Variants in PNPLA5 observed in about 807,000 individuals in gnomAD.
The protein encoded by PNPLA5 is patatin like domain 5, triacylglycerol lipase.
Under a neutral mutation model 49.1 loss-of-function variants are expected in PNPLA5, and 44 were observed. That is an observed-to-expected ratio of 0.90 (90% confidence interval 0.70 to 1.15). PNPLA5 has a LOEUF of 1.15. Among genes scored for constraint, PNPLA5 ranks in the 50% most tolerant of loss-of-function variants. The probability of loss-of-function intolerance (pLI) is 0.00; values close to 1 mark genes in which losing one functional copy is unlikely to be tolerated. For missense variants in PNPLA5, 603 were observed against 564.0 expected (o/e 1.07, Z -0.70); for synonymous variants, 243 against 244.4 (o/e 0.99, Z 0.06).
At chr22:43,887,458 G>A in intron 5 of PNPLA5, 133 bp downstream of exon 5, 1 of 1,095,596 alleles carries the variant, frequency 9.1e-7, no homozygotes, top group Non-Finnish European at 1.3e-6. Flanking sequence ...CTCAGCTCAG[G>A]TCCAGCACAG....
Position 43,891,143 on chromosome 22 carries a change from C to A in PNPLA5, c.345G>T (p.Arg115=), listed in dbSNP as rs530249099. ...PPDAHVLASQ[R]LGISLTRWPD... ...GCCAGCGGGTCAGCGAAATGCCCAG[C>A]CGCTGGGAGGCCAGGACGTGGGCGT... is the stretch of plus-strand genomic sequence containing the variant. Residue 115 remains arginine (R), a synonymous_variant, in exon 2 of 9, where the codon CGG becomes CGT. Coordinates refer to ENST00000216177, the MANE Select transcript of PNPLA5 (RefSeq NM_138814.4). The A allele has an allele frequency of 6.2e-7, 1 of 1,605,284 alleles. No homozygotes were observed. The highest frequency in any genetic ancestry group is 1.1e-5 in the South Asian group (1 of 90,480).
chr22:43,891,808 C>T lies in PNPLA5; in HGVS notation c.73G>A (p.Val25Met), dbSNP rs777407658. 42 of 1,521,634 alleles carry T rather than the reference C, an allele frequency of 2.8e-5. No individual in the cohort carries two copies. Among genetic ancestry groups the T allele is most frequent in the Non-Finnish European group, 3.2e-5 (36 of 1,139,266 alleles). The allele number at this position is 1,521,634 out of a possible 1,614,324, so 94.3% of individuals were successfully genotyped here. ...SGAGYLGAHH[V>M]GATECLRQRA... The stretch of plus-strand genomic sequence containing the variant: ...TGGCGCAGGCATTCGGTGGCGCCCA[C>T]GTGGTGGGCGCCCAGGTAGCCGGCG... The change falls in exon 1 of 9, where the codon GTG becomes ATG. Residue 25 changes from valine (V) to methionine (M), a missense_variant. Physicochemically the swap from Val to Met is conservative, Grantham distance 21. Coordinates refer to ENST00000216177, the MANE Select transcript of PNPLA5 (RefSeq NM_138814.4).
chr22:43,885,581 G>A (rs926614304), intron 6 of PNPLA5, among the ~76,000 whole-genome samples: 5 of 151,978 alleles, frequency 3.3e-5, no homozygotes, highest in Admixed American at 6.6e-5. Flanking sequence ...CCCTCTCCCC[G>A]ATGCTCTTCT....
At chr22:43,887,289 T>A (rs2049675248) in intron 5 of PNPLA5, among the ~76,000 whole-genome samples, 2 of 152,176 alleles carry the variant, frequency 1.3e-5, no homozygotes, top group Non-Finnish European at 2.9e-5. Context: ...ACCCCCAGGC[T>A]GAGTCCAATG....
In PNPLA5 at chr22:43,880,280, C is replaced by A; in HGVS notation, c.*515G>T. The stretch of plus-strand genomic sequence containing the variant: ...CTGCCAGGGCCTTCCACCCTCTGGA[C>A]CTGATAGGAATTCAGAAGTCAAGGT... On this transcript the variant is annotated 3_prime_UTR_variant, in exon 9 of 9. Coordinates refer to ENST00000216177, the MANE Select transcript of PNPLA5 (RefSeq NM_138814.4). The A allele has an allele frequency of 2.5e-6, 1 of 397,782 alleles. No homozygotes were observed. Among genetic ancestry groups the A allele is most frequent in the Non-Finnish European group, 4.4e-6 (1 of 226,108 alleles). 24.6% of individuals were successfully genotyped at this position (397,782 alleles called of 1,614,324 possible).
rs751644721 is a variant in PNPLA5, at chr22:43,881,650, C to T, written c.1107G>A (p.Val369=). ...CCTGCATCCACCACAAGTCCGCCGGCACATCGGGCAGCCACACCACCAACC... is the reference window on the plus strand; with the variant it reads ...CCTGCATCCACCACAAGTCCGCCGGTACATCGGGCAGCCACACCACCAACC... ...SRRLVVWLPD[V]PADLWWMQGL... The change falls in exon 8 of 9, where the codon GTG becomes GTA. Residue 369 remains valine (V), a synonymous_variant. Coordinates refer to ENST00000216177, the MANE Select transcript of PNPLA5 (RefSeq NM_138814.4). 6 of 1,613,640 alleles carry T rather than the reference C, an allele frequency of 3.7e-6. No individual in the cohort carries two copies. In the African/African-American group the frequency reaches 4.0e-5, roughly 11 times the overall value.
Position 43,889,691 on chromosome 22 carries a change from C to T in PNPLA5, c.492+108G>A, listed in dbSNP as rs2049702811. The T allele has an allele frequency of 1.1e-5, 16 of 1,517,248 alleles. No homozygotes were observed. In the East Asian group the frequency reaches 3.7e-4, roughly 35 times the overall value. 94.0% of individuals were successfully genotyped at this position (1,517,248 alleles called of 1,614,324 possible). A position where few individuals can be genotyped will look rare whatever the true frequency, so the allele number is the denominator to read the frequency against. Reference sequence around the variant, plus strand: ...CCCCAGGAGCAGGGGGAGGGCCTGGCACACAGTAGGTGCTCAAGGAGCGCT... The same window carrying T: ...CCCCAGGAGCAGGGGGAGGGCCTGGTACACAGTAGGTGCTCAAGGAGCGCT... On this transcript the variant is annotated intron_variant, in intron 3 of 8. Transcript: ENST00000216177.
intron 7 of PNPLA5, among the ~76,000 whole-genome samples, chr22:43,883,371 C>T (rs1000118705): frequency 6.6e-6 from 1 of 152,244 alleles, no homozygotes; most frequent in African/African-American, 2.4e-5. Context: ...TTCCATGGCC[C>T]CCAGCCAGGC....
chr22:43,880,615 G>T lies in PNPLA5; in HGVS notation c.*180C>A, dbSNP rs2049598458. ...GGCAAGAGGGAGGGCAGGTGACCTG[G>T]GTACACAGTGACCGGGGACATGCTG... is the stretch of plus-strand genomic sequence containing the variant. On this transcript the variant is annotated 3_prime_UTR_variant, in exon 9 of 9. Coordinates refer to ENST00000216177, the MANE Select transcript of PNPLA5 (RefSeq NM_138814.4). 2 of 499,270 alleles carry T rather than the reference G, an allele frequency of 4.0e-6. No homozygotes were observed. The highest frequency in any genetic ancestry group is 7.0e-5 in the East Asian group (2 of 28,474). 30.9% of individuals were successfully genotyped at this position (499,270 alleles called of 1,614,324 possible).
At chr22:43,889,929 G>T (rs1263763562) in intron 2 of PNPLA5, 65 bp from the exon 3 acceptor site, 1 of 1,581,364 alleles carries the variant, frequency 6.3e-7, no homozygotes, top group African/African-American at 1.3e-5. Flanking sequence ...ACCTTCCTAG[G>T]CACGGTTTCT....
Position 43,889,475 on chromosome 22 carries a change from C to G in PNPLA5, c.556G>C (p.Val186Leu), listed in dbSNP as rs543605034. 6.2e-7 allele frequency: 1 copy of G among 1,614,006 alleles called. No individual in the cohort carries two copies. The highest frequency in any genetic ancestry group is 1.1e-5 in the South Asian group (1 of 91,070). ...TCCACTGTCCCATGGAAGGGCGACA[C>G]CGTGATGGTGGAGGGGCAGTCTGCA... ...PFADCPSTITVSPFHGTVDIC... is the reference protein window; with the variant it reads ...PFADCPSTITLSPFHGTVDIC... The change falls in exon 4 of 9, where the codon GTG becomes CTG. Residue 186 changes from valine to leucine, a missense_variant. Coordinates refer to ENST00000216177, the MANE Select transcript of PNPLA5 (RefSeq NM_138814.4).
rs187123056 is a variant in PNPLA5, at chr22:43,890,418, C to A, written c.427-554G>T. Among the ~76,000 whole-genome samples, 4 of 152,334 alleles carry A rather than the reference C, an allele frequency of 2.6e-5. No homozygotes were observed. In the East Asian group the frequency reaches 5.8e-4, roughly 22 times the overall value. On this transcript the variant is annotated intron_variant, in intron 2 of 8. Transcript: ENST00000216177. ...ATTTTCTCCCCTACAGGACACCTAA[C>A]AATGTCAGAGACATTTTTGGTTGTC...
rs772269420 is a variant in PNPLA5, at chr22:43,891,209, G to C, written c.279C>G (p.Ile93Met). 6.3e-7 allele frequency: 1 copy of C among 1,582,004 alleles called. No homozygotes were observed. Among genetic ancestry groups the C allele is most frequent in the South Asian group, 1.1e-5 (1 of 87,328 alleles). ...CCTGCAGCTGCTGCTTGACGTGCTC[G>C]ATGGGCGCGTAGGCCGGGTGCAGGA... The part of the protein sequence containing the change: ...LSILHPAYAP[I>M]EHVKQQLQDA... Residue 93 changes from isoleucine (I) to methionine (M), a missense_variant, in exon 2 of 9, where the codon ATC (isoleucine) becomes ATG (methionine). Transcript: ENST00000216177.
At chr22:43,890,947 C>T in intron 2 of PNPLA5, 115 bp downstream of exon 2, 5 of 1,353,096 alleles carry the variant, frequency 3.7e-6, no homozygotes, top group African/African-American at 1.5e-5. Context: ...CAGGTCCACC[C>T]GCCCTCCCTC....
At position 43,880,676 on chromosome 22, in the gene PNPLA5, A is replaced by G. The variant is rs2049599405; in HGVS notation, c.*119T>C. ...CCCCAAGGAACGGGCTCCAAGCTGC[A>G]GGGTCTCCACGGAGATTGGCAGGGC... On this transcript the variant is annotated 3_prime_UTR_variant, in exon 9 of 9. Coordinates refer to ENST00000216177, the MANE Select transcript of PNPLA5 (RefSeq NM_138814.4). The G allele has an allele frequency of 5.9e-6, 6 of 1,022,552 alleles. No homozygotes were observed. In the South Asian group the frequency reaches 2.3e-4, roughly 40 times the overall value. 63.3% of individuals were successfully genotyped at this position (1,022,552 alleles called of 1,614,324 possible). A position where few individuals can be genotyped will look rare whatever the true frequency, so the allele number is the denominator to read the frequency against.
chr22:43,883,846 G>GAGAAA (rs2049634405), intron 7 of PNPLA5, among the ~76,000 whole-genome samples: 3 of 151,696 alleles, frequency 2.0e-5, no homozygotes, highest in African/African-American at 7.3e-5. Context: ...GAAAAGAGAA[G>GAGAAA]AGAAAAGAAA....
At chr22:43,891,331 C>A (rs1238514408) in intron 1 of PNPLA5, 37 bp from the exon 2 acceptor site, 1 of 1,525,540 alleles carries the variant, frequency 6.6e-7, no homozygotes, top group Non-Finnish European at 8.7e-7. Context: ...CCTCAGCGCC[C>A]AGGGATCCTG....
chr22:43,890,152 C>A (rs1008492260), intron 2 of PNPLA5: 38 of 864,186 alleles, frequency 4.4e-5, no homozygotes, highest in Non-Finnish European at 5.1e-5. Flanking sequence ...GGCCCAGACT[C>A]CTTGCCTGTG....
rs1281287201 is a variant in PNPLA5, at chr22:43,889,174, G to A, written c.702+155C>T. 2.3e-5 allele frequency: 19 copies of A among 825,022 alleles called. No homozygotes were observed. In the South Asian group the frequency reaches 3.1e-4, roughly 14 times the overall value. The allele number at this position is 825,022 out of a possible 1,614,324, so 51.1% of individuals were successfully genotyped here. ...CAGTAAGGACACAACTGAACCCCAA[G>A]CTTAGGATTCAGGTGTTTGGCTGTG... On this transcript the variant is annotated intron_variant, in intron 4 of 8. Transcript: ENST00000216177.
Sources: allele counts gnomAD v4.1 joint callset (sites outside exome capture counted in the v4.1 genomes callset), GRCh38; gene constraint gnomAD v4.1.1; transcripts MANE v1.5; gene names NCBI Gene and HGNC (gene_info 2026-07-23, HGNC 2026-07-21).